TMEM63C: variants seen among roughly 807,000 people sequenced by gnomAD.
The protein encoded by TMEM63C is transmembrane protein 63C.
A neutral mutation model predicts 99.2 loss-of-function variants in TMEM63C; 32 were observed. The ratio of observed to expected loss-of-function variants is 0.32; its 90% CI spans 0.24 to 0.43. The LOEUF is 0.43. Among genes scored for constraint, TMEM63C ranks in the 20% least tolerant of loss-of-function variants. TMEM63C has a pLI of 1.00. For missense variants in TMEM63C, 826 were observed against 1,053.0 expected, an observed-to-expected ratio of 0.78 and a Z score of 2.98; for synonymous variants, 376 against 397.9, an observed-to-expected ratio of 0.94 and a Z score of 0.66.
chr14:77,223,781 C>A (rs1888768760), intron 5 of TMEM63C, among the ~76,000 whole-genome samples: 1 of 152,164 alleles, frequency 6.6e-6, no homozygotes, highest in African/African-American at 2.4e-5. Flanking sequence ...CCAGTATACA[C>A]CTGTGCACCT....
intron 13 of TMEM63C, among the ~76,000 whole-genome samples, chr14:77,240,931 C>CTTTTTTT: frequency 7.8e-6 from 1 of 128,482 alleles, no homozygotes. Context: ...TTCCCTTTTT[C>CTTTTTTT]TTTTTTTTTT....
At chr14:77,230,281 C>T (rs391966) in intron 6 of TMEM63C, among the ~76,000 whole-genome samples, 78,031 of 151,790 alleles carry the variant, frequency 0.51, 21,210 homozygotes, top group East Asian at 0.76. Flanking sequence ...ACTAGAACAT[C>T]GCCAATACCC....
At chr14:77,224,418 GA>G (rs1362680758) in intron 5 of TMEM63C, among the ~76,000 whole-genome samples, 1 of 152,088 alleles carries the variant, frequency 6.6e-6, no homozygotes, top group Non-Finnish European at 1.5e-5. Flanking sequence ...CTGGTTCACA[GA>G]AGTGCACATG....
At chr14:77,229,513 T>C (rs1429286852) in intron 6 of TMEM63C, among the ~76,000 whole-genome samples, 3 of 151,376 alleles carry the variant, frequency 2.0e-5, no homozygotes, top group Admixed American at 1.3e-4. Context: ...AGTGGCATGA[T>C]ATTGGCTCAC....
intron 1 of TMEM63C, among the ~76,000 whole-genome samples, chr14:77,189,717 G>T (rs1269721089): frequency 6.6e-6 from 1 of 152,208 alleles, no homozygotes; most frequent in Non-Finnish European, 1.5e-5. Flanking sequence ...ACATCTCCCT[G>T]GGGAGTCAGG....
At chr14:77,231,962 T>C (rs1181514052) in intron 7 of TMEM63C, among the ~76,000 whole-genome samples, 1 of 152,230 alleles carries the variant, frequency 6.6e-6, no homozygotes, top group Non-Finnish European at 1.5e-5. Context: ...AGGCACATAG[T>C]ATTAATTCAG....
intron 21 of TMEM63C, 73 bp from the exon 22 acceptor site, chr14:77,251,716 C>T (rs1304296376): frequency 8.0e-7 from 1 of 1,244,352 alleles, no homozygotes. Context: ...TGTGACGGTC[C>T]CTGGCATCTG....
At chr14:77,194,336 ATGTGTGTGTGTGTGTGTGTGTGTG>A (rs36201483) in intron 1 of TMEM63C, among the ~76,000 whole-genome samples, 2 of 87,560 alleles carry the variant, frequency 2.3e-5, no homozygotes, top group Non-Finnish European at 2.2e-5. Context: ...ATATATATAT[ATGTGTGTGTGTGTGTGTGTGTGTG>A]TGTGTGTGTG....
chr14:77,242,826 C>T, intron 14 of TMEM63C, 77 bp from the exon 15 acceptor site: 1 of 1,562,748 alleles, frequency 6.4e-7, no homozygotes, highest in Non-Finnish European at 8.8e-7. Flanking sequence ...GGGTCCACAG[C>T]TGGCCTGCAG....
chr14:77,227,170 G>A (rs1888843084), intron 6 of TMEM63C, among the ~76,000 whole-genome samples: 1 of 152,184 alleles, frequency 6.6e-6, no homozygotes, highest in Non-Finnish European at 1.5e-5. Flanking sequence ...AACAATATAT[G>A]TGTGTAGGCA....
intron 12 of TMEM63C, 38 bp downstream of exon 12, chr14:77,239,764 G>T: frequency 6.2e-7 from 1 of 1,606,118 alleles, no homozygotes; most frequent in African/African-American, 1.3e-5. Flanking sequence ...GCAAGGGAGC[G>T]GTGGGGTCCT....
At chr14:77,218,231 A>T (rs1594856999) in intron 2 of TMEM63C, among the ~76,000 whole-genome samples, 1 of 86,940 alleles carries the variant, frequency 1.2e-5, no homozygotes, top group Non-Finnish European at 2.9e-5. Flanking sequence ...CACAGAAGTT[A>T]AAAAAAAAAG....
intron 3 of TMEM63C, 85 bp from the exon 4 acceptor site, chr14:77,219,413 T>C (rs1199370983): frequency 2.1e-6 from 3 of 1,402,966 alleles, no homozygotes; most frequent in Admixed American, 3.4e-5. Flanking sequence ...AGGGACAGGG[T>C]CTCCCCCAAG....
At chr14:77,248,909 T>A (rs1889311228) in intron 20 of TMEM63C, 37 bp downstream of exon 20, 7 of 1,535,590 alleles carry the variant, frequency 4.6e-6, no homozygotes, top group Non-Finnish European at 6.3e-6. Flanking sequence ...GGGCTGCACA[T>A]CCGCAGATGG....
rs1378385100 is a variant in TMEM63C, at chr14:77,257,226, A to G, written c.*500A>G. On this transcript the variant is annotated 3_prime_UTR_variant, in exon 24 of 24. Coordinates refer to ENST00000298351, the MANE Select transcript of TMEM63C (RefSeq NM_020431.4). ...TGTGCACGGGGCACATTGACAGGACACGGAGGACCACCTCATCACAGGGTT... is the reference window on the plus strand; with the variant it reads ...TGTGCACGGGGCACATTGACAGGACGCGGAGGACCACCTCATCACAGGGTT... 1.3e-5 allele frequency: 2 copies of G among 156,480 alleles called. No homozygotes were observed. Among genetic ancestry groups the G allele is most frequent in the African/African-American group, 4.8e-5 (2 of 41,466 alleles). 9.7% of individuals were successfully genotyped at this position (156,480 alleles called of 1,614,324 possible). A position where few individuals can be genotyped will look rare whatever the true frequency, so the allele number is the denominator to read the frequency against.
chr14:77,194,334 ATATGTGTGTGTG>A (rs1372176894), intron 1 of TMEM63C, among the ~76,000 whole-genome samples: 4,049 of 72,002 alleles, frequency 0.056, 177 homozygotes, highest in East Asian at 0.12. Flanking sequence ...AGATATATAT[ATATGTGTGTGTG>A]TGTGTGTGTG....
chr14:77,245,351 G>A lies in TMEM63C; in HGVS notation c.1449-589G>A, dbSNP rs141970353. On this transcript the variant is annotated intron_variant, in intron 16 of 23. Coordinates refer to ENST00000298351, the MANE Select transcript of TMEM63C (RefSeq NM_020431.4). ...CACAGTGGTGTATGGAGATGGCATC[G>A]GTATGCACAATTAAACCAATTTCCC... Among the ~76,000 whole-genome samples the A allele has an allele frequency of 7.7e-4, 117 of 152,240 alleles. 1 individual carries two copies. Among genetic ancestry groups the A allele is most frequent in the African/African-American group, 2.8e-3 (115 of 41,538 alleles).
Position 77,244,335 on chromosome 14 carries a change from C to G in TMEM63C, c.1342-14C>G. On this transcript the variant is annotated splice_polypyrimidine_tract_variant and intron_variant, in intron 15 of 23. Transcript: ENST00000298351. ...TTGACGTCTCTCCTGCCGTCCTCCC[C>G]TCTCCCCCTGCAGAACCCAATTGTG... 1 of 1,602,038 alleles carries G rather than the reference C, an allele frequency of 6.2e-7. No individual in the cohort carries two copies. Among genetic ancestry groups the G allele is most frequent in the Non-Finnish European group, 8.6e-7 (1 of 1,169,290 alleles).
At chr14:77,237,391 T>C (rs1889081218) in intron 9 of TMEM63C, among the ~76,000 whole-genome samples, 1 of 152,002 alleles carries the variant, frequency 6.6e-6, no homozygotes, top group Non-Finnish European at 1.5e-5. Context: ...CCCTGAGACT[T>C]GGAATGAGTA....
Sources: gnomAD v4.1 joint callset for allele counts (sites outside exome capture counted in the v4.1 genomes callset) on GRCh38, gnomAD v4.1.1 for gene constraint, MANE v1.5 for transcripts, NCBI Gene and HGNC (gene_info 2026-07-23, HGNC 2026-07-21) for gene names.